The following RBFOX1 variants were observed in gnomAD, a reference collection of about 807,000 sequenced individuals.
RBFOX1 encodes the protein RNA binding protein fox-1 homolog 1.
In RBFOX1, 8 loss-of-function variants were observed where a neutral mutation model predicts 57.7. The observed-to-expected ratio is 0.14, with a 90% CI of 0.08 to 0.25. The LOEUF (loss-of-function observed/expected upper bound fraction) is 0.25. Among genes scored for constraint, RBFOX1 ranks in the 10% least tolerant of loss-of-function variants. The pLI, the probability that RBFOX1 is intolerant of heterozygous loss-of-function variation, is 1.00. For synonymous variants in RBFOX1, 326 were observed against 222.4 expected (o/e 1.47, Z -4.15); for missense variants, 611 against 548.5 (o/e 1.11, Z -1.14).
At chr16:6,536,826 C>T (rs1183636879) in intron 2 of RBFOX1, among the ~76,000 whole-genome samples, 1 of 152,084 alleles carries the variant, frequency 6.6e-6, no homozygotes, top group Non-Finnish European at 1.5e-5. Context: ...TGGTGCATTC[C>T]TGTGGCTTAT....
At chr16:7,237,142 A>G (rs1006519376) in intron 4 of RBFOX1, among the ~76,000 whole-genome samples, 4 of 152,180 alleles carry the variant, frequency 2.6e-5, no homozygotes, top group Non-Finnish European at 5.9e-5. Context: ...CCGCCAACCC[A>G]AATGTCATTG....
intron 3 of RBFOX1, among the ~76,000 whole-genome samples, chr16:6,897,140 A>G (rs955656088): frequency 1.3e-5 from 2 of 152,222 alleles, no homozygotes; most frequent in African/African-American, 4.8e-5. Flanking sequence ...GCTGACAAAT[A>G]ACTTGCCCAA....
chr16:6,393,424 A>G (rs1567181774), intron 2 of RBFOX1, among the ~76,000 whole-genome samples: 1 of 152,050 alleles, frequency 6.6e-6, no homozygotes, highest in Admixed American at 6.6e-5. Flanking sequence ...GGGTGTTAGG[A>G]TTCTTATTAC....
intron 4 of RBFOX1, among the ~76,000 whole-genome samples, chr16:7,329,320 C>T (rs2096653731): frequency 6.6e-6 from 1 of 152,170 alleles, no homozygotes. Flanking sequence ...CTGTTTCTTC[C>T]ACTATTTAAA....
chr16:6,933,917 T>A (rs1301494486), intron 3 of RBFOX1, among the ~76,000 whole-genome samples: 1 of 152,192 alleles, frequency 6.6e-6, no homozygotes, highest in Non-Finnish European at 1.5e-5. Context: ...TACCAGTGTT[T>A]GAGTGATTAA....
chr16:7,323,557 C>G (rs118080753), intron 4 of RBFOX1, among the ~76,000 whole-genome samples: 1 of 152,268 alleles, frequency 6.6e-6, no homozygotes, highest in African/African-American at 2.4e-5. Context: ...TTTGTAGCCT[C>G]TCAGTTCATG....
At chr16:5,256,125 G>A (rs967238507) in intron 1 of RBFOX1, among the ~76,000 whole-genome samples, 2 of 152,170 alleles carry the variant, frequency 1.3e-5, no homozygotes, top group Admixed American at 6.5e-5. Flanking sequence ...TTTGCAGGAG[G>A]GGAAGGGCAG....
intron 4 of RBFOX1, among the ~76,000 whole-genome samples, chr16:7,436,150 C>T (rs1343543261): frequency 4.6e-5 from 7 of 152,164 alleles, no homozygotes; most frequent in Non-Finnish European, 7.3e-5. Context: ...ATTTCCAGTT[C>T]TCACATTCCT....
At chr16:5,382,905 C>T (rs555269987) in intron 1 of RBFOX1, among the ~76,000 whole-genome samples, 25 of 152,268 alleles carry the variant, frequency 1.6e-4, no homozygotes, top group African/African-American at 5.3e-4. Flanking sequence ...TTTATGATGA[C>T]GCAGAGAAGA....
intron 4 of RBFOX1, chr16:7,332,781 C>G: frequency 7.2e-7 from 1 of 1,385,754 alleles, no homozygotes; most frequent in East Asian, 2.6e-5. Context: ...AACTTTGCAG[C>G]TGCTGTGTCT....
chr16:6,296,258 A>G (rs2078090249), intron 1 of RBFOX1, among the ~76,000 whole-genome samples: 1 of 152,114 alleles, frequency 6.6e-6, no homozygotes, highest in Admixed American at 6.5e-5. Flanking sequence ...ATTTTCAAAG[A>G]AGAAAGGGGA....
chr16:6,082,725 AGAAT>A (rs898284497), intron 1 of RBFOX1, among the ~76,000 whole-genome samples: 65 of 152,230 alleles, frequency 4.3e-4, no homozygotes, highest in African/African-American at 1.5e-3. Flanking sequence ...GAGCACACAG[AGAAT>A]GATCACTCAA....
At chr16:5,434,700 C>G (rs540867357) in intron 1 of RBFOX1, among the ~76,000 whole-genome samples, 1 of 152,284 alleles carries the variant, frequency 6.6e-6, no homozygotes, top group South Asian at 2.1e-4. Context: ...TCCTGCATCT[C>G]TTGACTCTGT....
At chr16:7,553,623 C>T (rs1186690906) in intron 5 of RBFOX1, among the ~76,000 whole-genome samples, 14 of 152,202 alleles carry the variant, frequency 9.2e-5, no homozygotes, top group Non-Finnish European at 5.9e-5. Context: ...GTGGCCAGTG[C>T]ACTTGAAAGG....
intron 2 of RBFOX1, among the ~76,000 whole-genome samples, chr16:6,604,387 AGCAGG>A (rs1330532196): frequency 6.6e-6 from 1 of 152,112 alleles, no homozygotes; most frequent in Non-Finnish European, 1.5e-5. Flanking sequence ...TTGTTGCCCA[AGCAGG>A]ACTTACAGTC....
chr16:7,169,158 C>T (rs1320430057), intron 4 of RBFOX1, among the ~76,000 whole-genome samples: 1 of 152,146 alleles, frequency 6.6e-6, no homozygotes, highest in Non-Finnish European at 1.5e-5. Flanking sequence ...ATAATTGTTT[C>T]AAATTTTGAC....
intron 3 of RBFOX1, among the ~76,000 whole-genome samples, chr16:6,697,736 C>G (rs149076040): frequency 0.016 from 2,405 of 152,080 alleles, 38 homozygotes; most frequent in Non-Finnish European, 0.023. Flanking sequence ...AGGCTGTTGT[C>G]CAAAAAAGGA....
At chr16:5,945,732 A>G (rs942770688) in intron 4 of RBFOX1, among the ~76,000 whole-genome samples, 2 of 152,162 alleles carry the variant, frequency 1.3e-5, no homozygotes, top group Non-Finnish European at 2.9e-5. Flanking sequence ...TCCACTGTCC[A>G]TCACCACCCC....
chr16:6,389,255 A>T (rs2092467975), intron 2 of RBFOX1, among the ~76,000 whole-genome samples: 1 of 152,184 alleles, frequency 6.6e-6, no homozygotes, highest in African/African-American at 2.4e-5. Context: ...TTGGGAAAGG[A>T]GAGAATAATG....
Sources: gnomAD v4.1 joint callset for allele counts (sites outside exome capture counted in the v4.1 genomes callset) on GRCh38, gnomAD v4.1.1 for gene constraint, MANE v1.5 for transcripts, NCBI Gene and HGNC (gene_info 2026-07-23, HGNC 2026-07-21) for gene names.